The following THSD4 variants were observed in gnomAD, a reference collection of about 807,000 sequenced individuals.
The protein encoded by THSD4 is thrombospondin type 1 domain containing 4, also known as thrombospondin type-1 domain-containing protein 4.
A neutral mutation model predicts 119.0 loss-of-function variants in THSD4; 69 were observed. The observed-to-expected ratio is 0.58, with a 90% confidence interval of 0.48 to 0.71. THSD4 has a LOEUF of 0.71. Among genes scored for constraint, THSD4 ranks in the 30% least tolerant of loss-of-function variants. The pLI, the probability that THSD4 is intolerant of heterozygous loss-of-function variation, is 0.00. For synonymous variants in THSD4, 524 were observed against 540.4 expected (o/e 0.97, Z 0.42); for missense variants, 1,393 against 1,391.1 (o/e 1.00, Z -0.02).
intron 1 of THSD4, among the ~76,000 whole-genome samples, chr15:71,130,803 G>A (rs1005339042): frequency 6.6e-6 from 1 of 152,176 alleles, no homozygotes; most frequent in Non-Finnish European, 1.5e-5. Context: ...GGAGTGCAGT[G>A]GTGCAATCTC....
chr15:71,383,077 A>G (rs1282295569), intron 6 of THSD4, among the ~76,000 whole-genome samples: 4 of 152,186 alleles, frequency 2.6e-5, no homozygotes, highest in Admixed American at 2.0e-4. Flanking sequence ...TTTTAAATTA[A>G]CCTGTTAGAT....
chr15:71,547,042 C>A (rs952659945), intron 7 of THSD4, among the ~76,000 whole-genome samples: 3 of 152,200 alleles, frequency 2.0e-5, no homozygotes, highest in African/African-American at 7.2e-5. Context: ...GGGGCTGTCC[C>A]CCTGCATGTG....
chr15:71,359,479 A>T (rs555897871), intron 6 of THSD4, among the ~76,000 whole-genome samples: 2 of 152,168 alleles, frequency 1.3e-5, no homozygotes, highest in South Asian at 4.1e-4. Flanking sequence ...AGCCTTCCCA[A>T]AGGTCACTCA....
At chr15:71,393,235 C>T (rs189607704) in intron 6 of THSD4, among the ~76,000 whole-genome samples, 7 of 151,964 alleles carry the variant, frequency 4.6e-5, no homozygotes, top group South Asian at 2.1e-4. Context: ...CTTTTTCTCT[C>T]GGTGGTTGTG....
intron 7 of THSD4, among the ~76,000 whole-genome samples, chr15:71,501,289 T>G (rs2048109487): frequency 6.6e-6 from 1 of 152,250 alleles, no homozygotes; most frequent in South Asian, 2.1e-4. Flanking sequence ...CCATATATGA[T>G]TATTTTCAGT....
intron 6 of THSD4, among the ~76,000 whole-genome samples, chr15:71,302,507 C>A (rs2044965317): frequency 6.6e-6 from 1 of 151,420 alleles, no homozygotes; most frequent in African/African-American, 2.4e-5. Flanking sequence ...GAGATGTGGC[C>A]ACACCAGCTG....
At chr15:71,248,061 C>T (rs2044222588) in intron 5 of THSD4, among the ~76,000 whole-genome samples, 1 of 152,152 alleles carries the variant, frequency 6.6e-6, no homozygotes, top group Non-Finnish European at 1.5e-5. Context: ...TTGCTTGAGG[C>T]CAGAGGCCAG....
At position 71,286,061 on chromosome 15, in the gene THSD4, G is replaced by A. The variant is rs374728212; in HGVS notation, c.1015+29346G>A. Among the ~76,000 whole-genome samples the A allele has an allele frequency of 1.4e-3, 220 of 151,972 alleles. 1 individual carries two copies. In the Middle Eastern group the frequency reaches 0.024, roughly 16 times the overall value. Reference sequence around the variant, plus strand: ...ACTTTATTTGATGTATTTGTTCTACGCATCTTAGATTGTGACCAGTTTACT... The same window carrying A: ...ACTTTATTTGATGTATTTGTTCTACACATCTTAGATTGTGACCAGTTTACT... On this transcript the variant is annotated intron_variant, in intron 6 of 17. Coordinates refer to ENST00000261862, the MANE Select transcript of THSD4 (RefSeq NM_024817.3).
intron 8 of THSD4, among the ~76,000 whole-genome samples, chr15:71,675,564 G>C (rs1219890059): frequency 1.3e-5 from 2 of 152,154 alleles, no homozygotes; most frequent in Non-Finnish European, 2.9e-5. Context: ...GGGGTTCTGT[G>C]CTCAGACATC....
intron 7 of THSD4, among the ~76,000 whole-genome samples, chr15:71,516,844 C>T (rs1485844869): frequency 6.6e-6 from 1 of 152,288 alleles, no homozygotes; most frequent in East Asian, 1.9e-4. Context: ...TCTCACTTCT[C>T]CCTTTGATAT....
At position 71,396,227 on chromosome 15, in the gene THSD4, A is replaced by G. The variant is rs1175998612; in HGVS notation, c.1016-15460A>G. Among the ~76,000 whole-genome samples, 3 of 151,884 alleles carry G rather than the reference A, an allele frequency of 2.0e-5. No homozygotes were observed. The East Asian group carries it at 5.8e-4, about 30-fold the overall frequency. On this transcript the variant is annotated intron_variant, in intron 6 of 17. Transcript: ENST00000261862. ...TACTCTGATACACCCACATATCTAT[A>G]CCATATGTACACATGCATACATAAT... is the stretch of plus-strand genomic sequence containing the variant.
At chr15:71,547,760 G>A (rs1275880961) in intron 7 of THSD4, 11 of 274,142 alleles carry the variant, frequency 4.0e-5, no homozygotes, top group Admixed American at 2.2e-4. Flanking sequence ...TAGCACGCAC[G>A]CTTCTCCTGC....
At chr15:71,576,398 C>G (rs963554791) in intron 7 of THSD4, among the ~76,000 whole-genome samples, 1 of 152,082 alleles carries the variant, frequency 6.6e-6, no homozygotes, top group Non-Finnish European at 1.5e-5. Flanking sequence ...TCCTTCCTCC[C>G]CTCTCACTGG....
At chr15:71,573,138 T>C (rs2049389751) in intron 7 of THSD4, among the ~76,000 whole-genome samples, 1 of 152,104 alleles carries the variant, frequency 6.6e-6, no homozygotes, top group South Asian at 2.1e-4. Context: ...TTAGGGTTTC[T>C]GGGGAGAGTT....
chr15:71,372,502 G>T (rs1033930397), intron 6 of THSD4, among the ~76,000 whole-genome samples: 14 of 152,246 alleles, frequency 9.2e-5, no homozygotes, highest in Admixed American at 7.9e-4. Context: ...CTAACAGTCA[G>T]TACCCTCAGC....
intron 13 of THSD4, among the ~76,000 whole-genome samples, chr15:71,747,775 AG>A (rs1483138213): frequency 2.6e-5 from 4 of 152,272 alleles, no homozygotes. Flanking sequence ...CAATGTCCAC[AG>A]GTTACGTATT....
At chr15:71,728,501 G>A (rs775272399) in intron 8 of THSD4, 48 bp from the exon 9 acceptor site, 5 of 1,598,740 alleles carry the variant, frequency 3.1e-6, no homozygotes, top group Non-Finnish European at 4.3e-6. Context: ...TCTGTTTCTT[G>A]TGCACACCCT....
chr15:71,532,756 T>A (rs1158230962), intron 7 of THSD4, among the ~76,000 whole-genome samples: 1 of 152,232 alleles, frequency 6.6e-6, no homozygotes, highest in Non-Finnish European at 1.5e-5. Context: ...TTCTTTCTTT[T>A]TTCAGAAAGT....
intron 7 of THSD4, among the ~76,000 whole-genome samples, chr15:71,578,556 C>G (rs1460863301): frequency 6.6e-6 from 1 of 151,712 alleles, no homozygotes; most frequent in Non-Finnish European, 1.5e-5. Context: ...AGGCTGGTCT[C>G]AAACTCCTGA....
Sources: gnomAD v4.1 joint callset for allele counts (sites outside exome capture counted in the v4.1 genomes callset) on GRCh38, gnomAD v4.1.1 for gene constraint, MANE v1.5 for transcripts, NCBI Gene and HGNC (gene_info 2026-07-23, HGNC 2026-07-21) for gene names.